The following ANKS1B variants were observed in gnomAD, a reference collection of about 807,000 sequenced individuals.
ANKS1B encodes the protein ankyrin repeat and sterile alpha motif domain-containing protein 1B.
In ANKS1B, 36 loss-of-function variants were observed where a neutral mutation model predicts 148.3. The ratio of observed to expected loss-of-function variants is 0.24; its 90% CI spans 0.19 to 0.32. ANKS1B has a LOEUF of 0.32. Among genes scored for constraint, ANKS1B ranks in the 10% least tolerant of loss-of-function variants. ANKS1B has a pLI of 1.00. For missense variants in ANKS1B, 1,157 were observed against 1,542.6 expected (o/e 0.75, Z 4.19); for synonymous variants, 542 against 560.8 (o/e 0.97, Z 0.47).
At chr12:99,110,729 A>G (rs934543193) in intron 15 of ANKS1B, among the ~76,000 whole-genome samples, 2 of 152,180 alleles carry the variant, frequency 1.3e-5, no homozygotes, top group African/African-American at 4.8e-5. Flanking sequence ...GGCTTTTGTC[A>G]TTAATAAGGA....
chr12:99,055,418 C>CTTGGTGAT (rs1299093156), intron 16 of ANKS1B, among the ~76,000 whole-genome samples: 1 of 152,172 alleles, frequency 6.6e-6, no homozygotes, highest in African/African-American at 2.4e-5. Flanking sequence ...GTCTTGATGA[C>CTTGGTGAT]TGGATTTGGG....
At chr12:99,437,857 C>G (rs573905853) in intron 11 of ANKS1B, among the ~76,000 whole-genome samples, 1 of 151,942 alleles carries the variant, frequency 6.6e-6, no homozygotes, top group African/African-American at 2.4e-5. Flanking sequence ...CTTTTACCAT[C>G]AAACTACTAA....
intron 20 of ANKS1B, 77 bp downstream of exon 20, chr12:98,807,767 T>C: frequency 2.4e-6 from 3 of 1,270,984 alleles, no homozygotes; most frequent in East Asian, 2.4e-5. Flanking sequence ...ACACAGTACC[T>C]ATAGCTGTTG....
intron 22 of ANKS1B, 98 bp from the exon 23 acceptor site, chr12:98,782,235 T>C (rs1016455043): frequency 8.6e-6 from 9 of 1,041,634 alleles, no homozygotes; most frequent in African/African-American, 1.6e-5. Flanking sequence ...TCACCAACAG[T>C]GTAAATTCAT....
At chr12:99,148,873 A>G (rs905113959) in intron 15 of ANKS1B, among the ~76,000 whole-genome samples, 2 of 152,122 alleles carry the variant, frequency 1.3e-5, no homozygotes, top group Non-Finnish European at 2.9e-5. Flanking sequence ...TGGGTTTGTA[A>G]CTATTGGCTT....
intron 17 of ANKS1B, among the ~76,000 whole-genome samples, chr12:98,945,181 A>G (rs2099843172): frequency 6.6e-6 from 1 of 152,176 alleles, no homozygotes; most frequent in South Asian, 2.1e-4. Flanking sequence ...CCAACCCTGT[A>G]TCATGCATTA....
intron 8 of ANKS1B, among the ~76,000 whole-genome samples, chr12:99,683,734 CT>C (rs1471007871): frequency 6.6e-6 from 1 of 152,120 alleles, no homozygotes; most frequent in African/African-American, 2.4e-5. Context: ...CAACAAAATA[CT>C]AGTTAACTGA....
intron 16 of ANKS1B, among the ~76,000 whole-genome samples, chr12:99,081,769 T>C (rs1481366517): frequency 6.6e-6 from 1 of 152,158 alleles, no homozygotes; most frequent in Non-Finnish European, 1.5e-5. Flanking sequence ...GTTTCTCTTG[T>C]TTTGCATTAT....
intron 11 of ANKS1B, among the ~76,000 whole-genome samples, chr12:99,434,168 T>C (rs1370101900): frequency 6.6e-6 from 1 of 152,066 alleles, no homozygotes. Context: ...TCCTTGAACT[T>C]AGAGGAAGAT....
chr12:99,000,268 CT>C (rs905457820), intron 17 of ANKS1B, among the ~76,000 whole-genome samples: 4,982 of 125,406 alleles, frequency 0.04, 136 homozygotes, highest in African/African-American at 0.1. Context: ...TTTCTTTTTC[CT>C]TTTTTTTTTT....
intron 17 of ANKS1B, among the ~76,000 whole-genome samples, chr12:98,866,314 T>G (rs943910902): frequency 6.6e-6 from 1 of 152,200 alleles, no homozygotes; most frequent in Non-Finnish European, 1.5e-5. Context: ...CAATCTAGGC[T>G]CTGGGCCTTC....
At chr12:99,378,095 C>CGT (rs1326866245) in intron 12 of ANKS1B, among the ~76,000 whole-genome samples, 6 of 152,148 alleles carry the variant, frequency 3.9e-5, no homozygotes, top group Non-Finnish European at 8.8e-5. Flanking sequence ...AGATCTAAGG[C>CGT]TATACCTCAT....
intron 14 of ANKS1B, among the ~76,000 whole-genome samples, chr12:99,174,978 C>A (rs2078216227): frequency 6.6e-6 from 1 of 152,098 alleles, no homozygotes; most frequent in Admixed American, 6.6e-5. Context: ...TGAAGGAATT[C>A]TCTACTTCAG....
intron 1 of ANKS1B, among the ~76,000 whole-genome samples, chr12:99,961,841 T>G (rs980356249): frequency 3.3e-5 from 5 of 152,170 alleles, no homozygotes; most frequent in Admixed American, 6.5e-5. Context: ...TGCTGATGAA[T>G]GTCACAAAAT....
At chr12:99,306,214 T>C (rs193126644) in intron 12 of ANKS1B, among the ~76,000 whole-genome samples, 2 of 152,210 alleles carry the variant, frequency 1.3e-5, no homozygotes, top group South Asian at 2.1e-4. Flanking sequence ...ATGTTCACTG[T>C]TATTGTTTCT....
intron 10 of ANKS1B, among the ~76,000 whole-genome samples, chr12:99,446,825 CT>C (rs1160829170): frequency 6.6e-6 from 1 of 151,914 alleles, no homozygotes; most frequent in East Asian, 1.9e-4. Context: ...TAGGGTATGC[CT>C]TTGAGTACTA....
At chr12:98,934,859 T>C in intron 17 of ANKS1B, among the ~76,000 whole-genome samples, 1 of 152,000 alleles carries the variant, frequency 6.6e-6, no homozygotes, top group East Asian at 1.9e-4. Flanking sequence ...TTTTTAGTTC[T>C]AACAGTTTTT....
chr12:99,889,431 C>T (rs767873756), intron 1 of ANKS1B, among the ~76,000 whole-genome samples: 1 of 152,134 alleles, frequency 6.6e-6, no homozygotes, highest in African/African-American at 2.4e-5. Flanking sequence ...AAAAATGCAT[C>T]TTTTTTTGCA....
chr12:99,624,398 A>T (rs1466104009), intron 9 of ANKS1B, among the ~76,000 whole-genome samples: 1 of 152,094 alleles, frequency 6.6e-6, no homozygotes, highest in Non-Finnish European at 1.5e-5. Flanking sequence ...ACAAAAGTTG[A>T]CAATTGAGAC....
Sources: allele counts gnomAD v4.1 joint callset (sites outside exome capture counted in the v4.1 genomes callset), GRCh38; gene constraint gnomAD v4.1.1; transcripts MANE v1.5; gene names NCBI Gene and HGNC (gene_info 2026-07-23, HGNC 2026-07-21).